Variants in SASH1 observed in about 807,000 individuals in gnomAD.
SASH1 encodes the protein SAM and SH3 domain-containing protein 1.
SASH1 carries 44 observed loss-of-function variants against 125.2 expected under a neutral mutation model. That is an observed-to-expected ratio of 0.35 (90% CI 0.28 to 0.45). The LOEUF (loss-of-function observed/expected upper bound fraction) is 0.45, where lower values mean the gene tolerates loss of function less well. Among genes scored for constraint, SASH1 ranks in the 20% least tolerant of loss-of-function variants. The pLI, the probability that SASH1 is intolerant of heterozygous loss-of-function variation, is 1.00. For missense variants in SASH1, 1,426 were observed against 1,614.5 expected (o/e 0.88, Z 2.00); for synonymous variants, 639 against 649.1 (o/e 0.98, Z 0.24).
intron 2 of SASH1, among the ~76,000 whole-genome samples, chr6:148,420,492 T>C (rs1255039473): frequency 6.6e-6 from 1 of 152,188 alleles, no homozygotes; most frequent in East Asian, 1.9e-4. Flanking sequence ...TGCTGGGTCC[T>C]GAAGATACAC....
chr6:148,231,648 AAT>A, the SASH1 span, among the ~76,000 whole-genome samples: 2 of 152,224 alleles, frequency 1.3e-5, no homozygotes, highest in African/African-American at 4.8e-5. Flanking sequence ...TAATGTAGAA[AAT>A]GATTTCAGTG....
chr6:148,289,724 A>T (rs2128508309), intron 1 of SASH1, among the ~76,000 whole-genome samples: 1 of 152,322 alleles, frequency 6.6e-6, no homozygotes, highest in South Asian at 2.1e-4. Flanking sequence ...GAATAGGGGC[A>T]GGGGATGCAG....
chr6:148,502,905 G>C (rs989984837), intron 8 of SASH1, among the ~76,000 whole-genome samples: 2 of 152,156 alleles, frequency 1.3e-5, no homozygotes, highest in African/African-American at 4.8e-5. Context: ...TCCCACATCG[G>C]AATTCCTATA....
chr6:148,296,806 G>A (rs1437900894), intron 1 of SASH1, among the ~76,000 whole-genome samples: 5 of 152,198 alleles, frequency 3.3e-5, no homozygotes, highest in Non-Finnish European at 5.9e-5. Flanking sequence ...TAATGAGAAG[G>A]AGCTGGCATG....
intron 1 of SASH1, among the ~76,000 whole-genome samples, chr6:148,387,469 C>CTT (rs1583063999): frequency 6.6e-6 from 1 of 150,426 alleles, no homozygotes; most frequent in East Asian, 1.9e-4. Context: ...TCTCTTTTCT[C>CTT]TTCTCTTCTC....
At position 148,514,306 on chromosome 6, in the gene SASH1, C is replaced by G; in HGVS notation, c.730-18C>G. 3.1e-6 allele frequency: 5 copies of G among 1,595,146 alleles called. No homozygotes were observed. The highest frequency in any genetic ancestry group is 4.3e-6 in the Non-Finnish European group (5 of 1,175,092). On this transcript the variant is annotated intron_variant, in intron 8 of 19. Transcript: ENST00000367467. ...GGAGCAATTACCTGATTAACTTTTT[C>G]CTTTGTTTCTTTGCCAGTCAAGAGA...
At chr6:148,375,640 G>A (rs1782862105) in intron 1 of SASH1, among the ~76,000 whole-genome samples, 1 of 152,126 alleles carries the variant, frequency 6.6e-6, no homozygotes, top group South Asian at 2.1e-4. Flanking sequence ...CCCACAAAAC[G>A]GAAATGAAAG....
chr6:148,264,598 CT>C, the SASH1 span, among the ~76,000 whole-genome samples: 1 of 152,214 alleles, frequency 6.6e-6, no homozygotes, highest in African/African-American at 2.4e-5. Flanking sequence ...CTTGTGGCCT[CT>C]TGTCATGTTG....
intron 1 of SASH1, among the ~76,000 whole-genome samples, chr6:148,329,634 G>A (rs1780931281): frequency 6.6e-6 from 1 of 152,166 alleles, no homozygotes; most frequent in Non-Finnish European, 1.5e-5. Flanking sequence ...GTGTGTGAGT[G>A]TGTATGTGTG....
chr6:148,258,514 A>G, the SASH1 span, among the ~76,000 whole-genome samples: 3 of 152,202 alleles, frequency 2.0e-5, no homozygotes, highest in Non-Finnish European at 4.4e-5. Flanking sequence ...CTGCAGAGGT[A>G]ATAGCAGTGG....
At chr6:148,215,452 A>T in the SASH1 span, among the ~76,000 whole-genome samples, 1 of 152,166 alleles carries the variant, frequency 6.6e-6, no homozygotes. Flanking sequence ...AATCATGCTA[A>T]ATAAGTCTTC....
chr6:148,451,478 A>C (rs1053108694), intron 4 of SASH1, among the ~76,000 whole-genome samples: 1 of 152,166 alleles, frequency 6.6e-6, no homozygotes, highest in Non-Finnish European at 1.5e-5. Flanking sequence ...GTCTGGTTCA[A>C]GTCTCCCTAG....
At chr6:148,327,507 A>G (rs2114593342) in intron 1 of SASH1, among the ~76,000 whole-genome samples, 1 of 149,454 alleles carries the variant, frequency 6.7e-6, no homozygotes, top group East Asian at 2.0e-4. Context: ...CTGGTCTCGA[A>G]CTCCTGACCT....
intron 1 of SASH1, among the ~76,000 whole-genome samples, chr6:148,377,039 G>A (rs1161481451): frequency 4.0e-5 from 6 of 148,802 alleles, no homozygotes; most frequent in South Asian, 2.2e-4. Flanking sequence ...GCGTAGTGGC[G>A]GGCGCCTGTA....
the SASH1 span, among the ~76,000 whole-genome samples, chr6:148,264,304 C>T: frequency 6.6e-6 from 1 of 151,532 alleles, no homozygotes; most frequent in Non-Finnish European, 1.5e-5. Flanking sequence ...CTTACCCATA[C>T]AAAAATATGA....
intron 19 of SASH1, among the ~76,000 whole-genome samples, chr6:148,547,790 C>A (rs955083001): frequency 9.9e-5 from 15 of 152,174 alleles, no homozygotes; most frequent in African/African-American, 3.1e-4. Flanking sequence ...CTTCCCTGTT[C>A]CAGCCAACCC....
At chr6:148,386,785 C>G (rs192737880) in intron 1 of SASH1, among the ~76,000 whole-genome samples, 1 of 152,282 alleles carries the variant, frequency 6.6e-6, no homozygotes, top group African/African-American at 2.4e-5. Context: ...GGTTAAGTTG[C>G]TCCCCTTTGC....
chr6:148,387,042 G>C (rs1406344496), intron 1 of SASH1, among the ~76,000 whole-genome samples: 1 of 148,638 alleles, frequency 6.7e-6, no homozygotes, highest in Admixed American at 6.7e-5. Context: ...TTTCTTTCTT[G>C]CTTTCTCCCT....
At position 148,421,146 on chromosome 6, in the gene SASH1, G is replaced by A. The variant is rs13202544; in HGVS notation, c.286-19038G>A. Among the ~76,000 whole-genome samples the A allele has an allele frequency of 4.2e-3, 301 of 71,144 alleles. 8 individuals are homozygous for A. Among genetic ancestry groups the A allele is most frequent in the Middle Eastern group, 6.7e-3 (1 of 150 alleles). The allele number at this position is 71,144 out of a possible 152,430, so 46.7% of individuals were successfully genotyped here. A position where few individuals can be genotyped will look rare whatever the true frequency, so the allele number is the denominator to read the frequency against. Reference sequence around the variant, plus strand: ...GGAAGAAAGGAAGGAAGGAAGGAAGGAAGAAAGAAAGAAAGAAAGAAAGAA... The same window carrying A: ...GGAAGAAAGGAAGGAAGGAAGGAAGAAAGAAAGAAAGAAAGAAAGAAAGAA... On this transcript the variant is annotated intron_variant, in intron 2 of 19. Transcript: ENST00000367467.
Sources: allele counts gnomAD v4.1 joint callset (sites outside exome capture counted in the v4.1 genomes callset), GRCh38; gene constraint gnomAD v4.1.1; transcripts MANE v1.5; gene names NCBI Gene and HGNC (gene_info 2026-07-23, HGNC 2026-07-21).